Variants in ADGRG6 observed in about 807,000 individuals in gnomAD.
The protein encoded by ADGRG6 is adhesion G protein-coupled receptor G6.
A neutral mutation model predicts 142.4 loss-of-function variants in ADGRG6; 84 were observed. The ratio of observed to expected loss-of-function variants is 0.59; its 90% CI spans 0.49 to 0.71. The LOEUF (loss-of-function observed/expected upper bound fraction) is 0.71, where lower values mean the gene tolerates loss of function less well. Among genes scored for constraint, ADGRG6 ranks in the 30% least tolerant of loss-of-function variants. ADGRG6 has a pLI of 0.00. For synonymous variants in ADGRG6, 521 were observed against 520.5 expected, an observed-to-expected ratio of 1.00 and a Z score of -0.01; for missense variants, 1,367 against 1,466.6, an observed-to-expected ratio of 0.93 and a Z score of 1.11.
At chr6:142,422,627 G>A (rs111485042) in intron 22 of ADGRG6, among the ~76,000 whole-genome samples, 2,204 of 134,824 alleles carry the variant, frequency 0.016, 23 homozygotes, top group African/African-American at 0.061. Context: ...ATAAACATAC[G>A]TGTGCATGTG....
intron 4 of ADGRG6, among the ~76,000 whole-genome samples, chr6:142,373,250 T>C (rs1027967138): frequency 3.3e-5 from 5 of 152,178 alleles, no homozygotes; most frequent in Non-Finnish European, 7.4e-5. Flanking sequence ...GGATTAGATA[T>C]TAGATTTAGT....
intron 9 of ADGRG6, among the ~76,000 whole-genome samples, chr6:142,396,438 A>T (rs1257939039): frequency 6.6e-6 from 1 of 152,168 alleles, no homozygotes; most frequent in Non-Finnish European, 1.5e-5. Flanking sequence ...TAGCACAGAT[A>T]TTTAGGAAAG....
chr6:142,357,447 T>C (rs1365764201), intron 2 of ADGRG6, among the ~76,000 whole-genome samples: 2 of 152,236 alleles, frequency 1.3e-5, no homozygotes, highest in African/African-American at 4.8e-5. Flanking sequence ...ATCTGTATTA[T>C]GGAATTTTTA....
At position 142,319,695 on chromosome 6, in the gene ADGRG6, A is replaced by G. The variant is rs146088795; in HGVS notation, c.103+10051A>G. 9.6e-3 allele frequency among the ~76,000 whole-genome samples: 1,468 copies of G among 152,222 alleles called. 13 individuals are homozygous for G. Among genetic ancestry groups the G allele is most frequent in the Admixed American group, 0.02 (309 of 15,260 alleles). On this transcript the variant is annotated intron_variant, in intron 2 of 24. Coordinates refer to ENST00000367609, the MANE Select transcript of ADGRG6 (RefSeq NM_198569.3). ...TAAATTTTTCCATAAGACAGTTATT[A>G]GAATATTTACTTTAAAGCAGTTGTT...
rs1419161487 is a variant in ADGRG6 at position 142,371,487 on chromosome 6, T to TG, written c.1069+694_1069+695insG. ...TGGCCAGTTACTGTTTTTTTTTGTT[T>TG]TTTTTTTTTTTTTTGAGACAGAGTC... On this transcript the variant is annotated intron_variant, in intron 4 of 24. Transcript: ENST00000367609. Among the ~76,000 whole-genome samples the TG allele has an allele frequency of 4.9e-3, 643 of 131,364 alleles. 4 individuals are homozygous for TG. The highest frequency in any genetic ancestry group is 0.015 in the African/African-American group (452 of 30,900). 86.2% of individuals were successfully genotyped at this position (131,364 alleles called of 152,430 possible).
At chr6:142,324,527 G>T (rs1778667584) in intron 2 of ADGRG6, among the ~76,000 whole-genome samples, 1 of 152,040 alleles carries the variant, frequency 6.6e-6, no homozygotes, top group Non-Finnish European at 1.5e-5. Flanking sequence ...AAAGTGCTTT[G>T]CCATCTCATG....
chr6:142,349,665 G>A (rs1780066409), intron 2 of ADGRG6, among the ~76,000 whole-genome samples: 1 of 152,174 alleles, frequency 6.6e-6, no homozygotes, highest in African/African-American at 2.4e-5. Context: ...ACTACATGAT[G>A]TTGGCTATTG....
intron 21 of ADGRG6, among the ~76,000 whole-genome samples, chr6:142,419,089 G>A (rs1422294286): frequency 6.6e-6 from 1 of 152,058 alleles, no homozygotes; most frequent in African/African-American, 2.4e-5. Context: ...CTCATCTACA[G>A]CAATGATATT....
At chr6:142,439,143 C>T (rs769506367) in intron 24 of ADGRG6, among the ~76,000 whole-genome samples, 3 of 151,580 alleles carry the variant, frequency 2.0e-5, no homozygotes, top group East Asian at 1.9e-4. Flanking sequence ...TAGCAAGACC[C>T]CATCTCAAAA....
At chr6:142,388,127 A>G (rs188721145) in intron 6 of ADGRG6, among the ~76,000 whole-genome samples, 1 of 152,318 alleles carries the variant, frequency 6.6e-6, no homozygotes, top group African/African-American at 2.4e-5. Flanking sequence ...GCTGTAGTCC[A>G]AAACCCTGCT....
chr6:142,318,172 T>TTTATATG (rs1778279492), intron 2 of ADGRG6, among the ~76,000 whole-genome samples: 2 of 13,918 alleles, frequency 1.4e-4, no homozygotes, highest in East Asian at 4.0e-3. Flanking sequence ...ATATTATATA[T>TTTATATG]TTATATATTA....
chr6:142,416,426 C>T (rs1250482620), intron 20 of ADGRG6, among the ~76,000 whole-genome samples: 1 of 152,170 alleles, frequency 6.6e-6, no homozygotes, highest in African/African-American at 2.4e-5. Context: ...CGGCTAGTTA[C>T]ACTCATCCCC....
chr6:142,341,542 A>G (rs1468018753), intron 2 of ADGRG6, among the ~76,000 whole-genome samples: 1 of 120,432 alleles, frequency 8.3e-6, no homozygotes, highest in Non-Finnish European at 1.7e-5. Context: ...TATATAGTAT[A>G]TAATATATAG....
At chr6:142,433,712 C>G (rs945035644) in intron 22 of ADGRG6, among the ~76,000 whole-genome samples, 4 of 152,206 alleles carry the variant, frequency 2.6e-5, no homozygotes, top group Non-Finnish European at 4.4e-5. Flanking sequence ...TGTTTGCTTT[C>G]TAAATAATTG....
At position 142,420,068 on chromosome 6, in the gene ADGRG6, T is replaced by G. The variant is rs1394225464; in HGVS notation, c.3283T>G (p.Phe1095Val). 5.0e-6 allele frequency: 8 copies of G among 1,612,460 alleles called. No homozygotes were observed. Among genetic ancestry groups the G allele is most frequent in the Non-Finnish European group, 6.8e-6 (8 of 1,178,772 alleles). Reference sequence around the variant, plus strand: ...TGCCTGGGGACCCTTAAATATCCCCTTCATGTACCTCTTCTCCATCTTCAA... The same window carrying G: ...TGCCTGGGGACCCTTAAATATCCCCGTCATGTACCTCTTCTCCATCTTCAA... ...FFAWGPLNIP[F>V]MYLFSIFNSL... Residue 1095 changes from phenylalanine (F) to valine (V), a missense_variant, in exon 22 of 25, where the codon TTC becomes GTC. Coordinates refer to ENST00000367609, the MANE Select transcript of ADGRG6 (RefSeq NM_198569.3).
At chr6:142,432,918 T>C (rs557482461) in intron 22 of ADGRG6, among the ~76,000 whole-genome samples, 6 of 152,292 alleles carry the variant, frequency 3.9e-5, no homozygotes, top group African/African-American at 1.4e-4. Flanking sequence ...TAATAGAGTA[T>C]TAAGGGAAGC....
intron 2 of ADGRG6, among the ~76,000 whole-genome samples, chr6:142,364,119 T>C (rs1457546581): frequency 6.6e-6 from 1 of 152,064 alleles, no homozygotes; most frequent in Non-Finnish European, 1.5e-5. Flanking sequence ...ATCCAATCTA[T>C]ATTAGCCTCA....
chr6:142,413,217 A>AG (rs1371857487), intron 18 of ADGRG6, among the ~76,000 whole-genome samples: 1 of 151,896 alleles, frequency 6.6e-6, no homozygotes, highest in East Asian at 1.9e-4. Context: ...TTCTTGACTT[A>AG]GAAACTCTTT....
chr6:142,387,122 A>G (rs1424464423), intron 6 of ADGRG6, among the ~76,000 whole-genome samples: 1 of 152,210 alleles, frequency 6.6e-6, no homozygotes, highest in East Asian at 1.9e-4. Context: ...ACAAACAGAT[A>G]TTTCAGGATA....
Sources: allele counts gnomAD v4.1 joint callset (sites outside exome capture counted in the v4.1 genomes callset), GRCh38; gene constraint gnomAD v4.1.1; transcripts MANE v1.5; gene names NCBI Gene and HGNC (gene_info 2026-07-23, HGNC 2026-07-21).